ZBED4: variants seen among roughly 807,000 people sequenced by gnomAD.
ZBED4 encodes the protein zinc finger BED-type containing 4.
ZBED4 carries 4 observed loss-of-function variants against 15.5 expected under a neutral mutation model. The observed-to-expected ratio is 0.26, with a 90% CI of 0.13 to 0.59. The LOEUF is 0.59. ZBED4 is among the 20% of genes least tolerant of loss of function. ZBED4 has a pLI of 0.90. For synonymous variants in ZBED4, 692 were observed against 608.5 expected (o/e 1.14, Z -2.02); for missense variants, 1,323 against 1,461.8 (o/e 0.91, Z 1.55).
chr22:49,878,580 G>A (rs2092981), intron 1 of ZBED4, among the ~76,000 whole-genome samples: 140,492 of 152,288 alleles, frequency 0.92, 64,907 homozygotes, highest in African/African-American at 0.98. Context: ...CAATCCTTCA[G>A]AGATCTAAAT....
chr22:49,889,765 G>T lies in ZBED4; in HGVS notation c.*2587G>T, dbSNP rs748909886. On this transcript the variant is annotated 3_prime_UTR_variant, in exon 2 of 2. Transcript: ENST00000216268. ...AGAGGCCCAGTGCTGACAGTCACAC[G>T]ACTCTCACTACTTGAATGAGGGGAC... The T allele has an allele frequency of 1.2e-5, 2 of 167,122 alleles. No homozygotes were observed. Among genetic ancestry groups the T allele is most frequent in the African/African-American group, 4.8e-5 (2 of 41,428 alleles). The allele number at this position is 167,122 out of a possible 1,614,324, so 10.4% of individuals were successfully genotyped here.
chr22:49,879,189 A>T, intron 1 of ZBED4, among the ~76,000 whole-genome samples: 1 of 150,308 alleles, frequency 6.7e-6, no homozygotes, highest in Non-Finnish European at 1.5e-5. Context: ...AAGTGGCGCA[A>T]TCTCGGCTCA....
At chr22:49,854,576 C>T (rs1471190847) in intron 1 of ZBED4, among the ~76,000 whole-genome samples, 1 of 152,226 alleles carries the variant, frequency 6.6e-6, no homozygotes, top group Non-Finnish European at 1.5e-5. Context: ...TGTTTTTCGA[C>T]TGCAGTGGTT....
At chr22:49,871,757 ATT>A (rs58224171) in intron 1 of ZBED4, among the ~76,000 whole-genome samples, 1,004 of 62,166 alleles carry the variant, frequency 0.016, 15 homozygotes, top group African/African-American at 0.029. Flanking sequence ...TTATTTATTT[ATT>A]TTTTTTTTTT....
Position 49,853,981 on chromosome 22 carries a change from C to T in ZBED4, c.-338C>T, listed in dbSNP as rs999777401. On this transcript the variant is annotated 5_prime_UTR_variant, in exon 1 of 2. Coordinates refer to ENST00000216268, the MANE Select transcript of ZBED4 (RefSeq NM_014838.3). Reference sequence around the variant, plus strand: ...GCCGGCCGGGAGCCGCCCCAGAGGCCGGGCCGAGGTGAGTGCGCGGGCGCC... The same window carrying T: ...GCCGGCCGGGAGCCGCCCCAGAGGCTGGGCCGAGGTGAGTGCGCGGGCGCC... The T allele has an allele frequency of 2.8e-5, 4 of 145,148 alleles. No homozygotes were observed. The highest frequency in any genetic ancestry group is 9.9e-5 in the African/African-American group (4 of 40,556). The allele number at this position is 145,148 out of a possible 1,614,324, so 9.0% of individuals were successfully genotyped here.
chr22:49,880,583 G>A lies in ZBED4; in HGVS notation c.-329-2751G>A, dbSNP rs552693208. ...TCTCAGCGTCTGAAAACGTCGTTTC[G>A]TGCACGGCGTCTGGCTTATGAGTTG... On this transcript the variant is annotated intron_variant, in intron 1 of 1. Transcript: ENST00000216268. Among the ~76,000 whole-genome samples, 3 of 152,324 alleles carry A rather than the reference G, an allele frequency of 2.0e-5. No individual in the cohort carries two copies. The East Asian group carries it at 5.8e-4, about 29-fold the overall frequency.
intron 1 of ZBED4, among the ~76,000 whole-genome samples, chr22:49,873,405 T>C (rs1306676148): frequency 6.6e-6 from 1 of 152,200 alleles, no homozygotes; most frequent in African/African-American, 2.4e-5. Context: ...GACACACATT[T>C]ATCAGTTAAG....
rs759390898 is a variant in ZBED4, at chr22:49,885,218, G to T, written c.1556G>T (p.Ser519Ile). The T allele has an allele frequency of 6.2e-7, 1 of 1,613,592 alleles. No individual in the cohort carries two copies. The highest frequency in any genetic ancestry group is 8.5e-7 in the Non-Finnish European group (1 of 1,179,712). The change falls in exon 2 of 2, where the codon AGT (serine) becomes ATT (isoleucine). Residue 519 changes from serine (S) to isoleucine (I), a missense_variant. Physicochemically the swap from Ser to Ile is moderately radical, Grantham distance 142 (BLOSUM62 -2). Around this residue, in one of 6 missense-constraint regions of ZBED4, gnomAD observed 429 missense variants for 397.9 expected, o/e 1.08. Coordinates refer to ENST00000216268, the MANE Select transcript of ZBED4 (RefSeq NM_014838.3). ...VGSQKGFLGA[S>I]LANSPYATLA... ...AGCCAGAAGGGCTTCCTGGGTGCAA[G>T]TCTGGCAAACTCTCCGTATGCCACT...
chr22:49,866,800 G>C (rs1442944550), intron 1 of ZBED4, among the ~76,000 whole-genome samples: 1 of 152,162 alleles, frequency 6.6e-6, no homozygotes, highest in African/African-American at 2.4e-5. Context: ...AAACCGAGTG[G>C]CTTCACACAA....
chr22:49,889,547 A>G lies in ZBED4; in HGVS notation c.*2369A>G, dbSNP rs1377979046. ...GTTCTGAGTAACAGTCAGTGTATAA[A>G]AGGGGATTGCAGAAAAAAATGAGGG... On this transcript the variant is annotated 3_prime_UTR_variant, in exon 2 of 2. Coordinates refer to ENST00000216268, the MANE Select transcript of ZBED4 (RefSeq NM_014838.3). The G allele has an allele frequency of 1.2e-5, 2 of 167,190 alleles. No homozygotes were observed. Among genetic ancestry groups the G allele is most frequent in the African/African-American group, 2.4e-5 (1 of 41,434 alleles). The allele number at this position is 167,190 out of a possible 1,614,324, so 10.4% of individuals were successfully genotyped here. A position where few individuals can be genotyped will look rare whatever the true frequency, so the allele number is the denominator to read the frequency against.
At chr22:49,879,648 TA>T (rs2060397783) in intron 1 of ZBED4, among the ~76,000 whole-genome samples, 1 of 118,118 alleles carries the variant, frequency 8.5e-6, no homozygotes, top group Non-Finnish European at 1.9e-5. Flanking sequence ...GGCGTGTTTC[TA>T]TTGGTTGGTT....
chr22:49,854,432 G>T (rs887768229), intron 1 of ZBED4, among the ~76,000 whole-genome samples: 6 of 152,146 alleles, frequency 3.9e-5, no homozygotes, highest in Non-Finnish European at 2.9e-5. Flanking sequence ...GGCCACCTGG[G>T]CCCTGCTTCA....
intron 1 of ZBED4, among the ~76,000 whole-genome samples, chr22:49,881,247 G>A (rs1055028662): frequency 1.3e-5 from 2 of 152,250 alleles, no homozygotes; most frequent in African/African-American, 4.8e-5. Flanking sequence ...TACTTGGGAG[G>A]CTGAGGCAGG....
rs533571561 is a variant in ZBED4, at chr22:49,861,381, A to T, written c.-330+7392A>T. Among the ~76,000 whole-genome samples, 13 of 152,236 alleles carry T rather than the reference A, an allele frequency of 8.5e-5. No homozygotes were observed. In the East Asian group the frequency reaches 1.9e-3, roughly 23 times the overall value. On this transcript the variant is annotated intron_variant, in intron 1 of 1. Coordinates refer to ENST00000216268, the MANE Select transcript of ZBED4 (RefSeq NM_014838.3). ...GGCCTCAAACTCTTGGCTGCAAATG[A>T]TCTGCCTGCCTCAGTCTCTCAAAGT...
chr22:49,885,592 A>G lies in ZBED4; in HGVS notation c.1930A>G (p.Thr644Ala). 6.2e-7 allele frequency: 1 copy of G among 1,607,382 alleles called. No homozygotes were observed. Among genetic ancestry groups the G allele is most frequent in the Non-Finnish European group, 8.5e-7 (1 of 1,174,978 alleles). The change falls in exon 2 of 2, where the codon ACC (threonine) becomes GCC (alanine). Residue 644 changes from threonine (T) to alanine (A), a missense_variant. Physicochemically the swap from Thr to Ala is moderately conservative, Grantham distance 58. Coordinates refer to ENST00000216268, the MANE Select transcript of ZBED4 (RefSeq NM_014838.3). ...ATCAGGCGCTTCCTCTTTTGATGAC[A>G]CCAATGAGAAGTTTTACGATTCTCA... Reference protein sequence around the residue: ...ELSGASSFDDTNEKFYDSHPV... With the variant: ...ELSGASSFDDANEKFYDSHPV...
intron 1 of ZBED4, among the ~76,000 whole-genome samples, chr22:49,882,803 G>A (rs754362014): frequency 6.6e-5 from 10 of 152,228 alleles, no homozygotes; most frequent in Non-Finnish European, 8.8e-5. Flanking sequence ...GGCTGGAAGC[G>A]GTTTTCACCC....
intron 1 of ZBED4, among the ~76,000 whole-genome samples, chr22:49,865,903 G>A (rs1219313667): frequency 6.6e-6 from 1 of 151,082 alleles, no homozygotes; most frequent in African/African-American, 2.4e-5. Context: ...TAGAGCTGGG[G>A]GTCTCACTAT....
intron 1 of ZBED4, among the ~76,000 whole-genome samples, chr22:49,881,592 G>A (rs1381192894): frequency 6.6e-6 from 1 of 152,204 alleles, no homozygotes; most frequent in Non-Finnish European, 1.5e-5. Context: ...ATTCAGGCTA[G>A]TCTTCAAACT....
At chr22:49,863,726 G>A (rs2060307971) in intron 1 of ZBED4, among the ~76,000 whole-genome samples, 1 of 152,010 alleles carries the variant, frequency 6.6e-6, no homozygotes, top group South Asian at 2.1e-4. Flanking sequence ...ACTCTCTGGT[G>A]TTATAGTTCA....
Sources: allele counts gnomAD v4.1 joint callset (sites outside exome capture counted in the v4.1 genomes callset), GRCh38; gene constraint gnomAD v4.1.1; regional missense constraint gnomAD v4.1.1; transcripts MANE v1.5; gene names NCBI Gene and HGNC (gene_info 2026-07-23, HGNC 2026-07-21).